The following TEX9 variants were observed in gnomAD, a reference collection of about 807,000 sequenced individuals.
The protein encoded by TEX9 is testis-expressed protein 9.
TEX9 carries 74 observed loss-of-function variants against 59.6 expected under a neutral mutation model. The ratio of observed to expected loss-of-function variants is 1.24; its 90% confidence interval spans 1.03 to 1.51. The LOEUF (loss-of-function observed/expected upper bound fraction) is 1.51. Ranked by LOEUF, TEX9 falls within the 40% of genes most tolerant of loss-of-function variation. TEX9 has a pLI of 0.00. For synonymous variants in TEX9, 186 were observed against 152.2 expected (o/e 1.22, Z -1.64); for missense variants, 522 against 447.8 (o/e 1.17, Z -1.49).
intron 5 of TEX9, 104 bp from the exon 6 acceptor site, chr15:56,389,214 A>G (rs2048096997): frequency 2.4e-6 from 2 of 832,004 alleles, no homozygotes; most frequent in African/African-American, 1.7e-5. Flanking sequence ...AAAATAGCAA[A>G]TAGCAGTTTT....
intron 3 of TEX9, among the ~76,000 whole-genome samples, chr15:56,375,125 C>A (rs1427874435): frequency 1.3e-5 from 2 of 152,056 alleles, no homozygotes; most frequent in Non-Finnish European, 2.9e-5. Context: ...GTTTACAGTC[C>A]CACCAACAGT....
intron 10 of TEX9, among the ~76,000 whole-genome samples, chr15:56,413,211 A>AATTAATTTAATTTATTTAATT: frequency 6.9e-6 from 1 of 145,770 alleles, no homozygotes; most frequent in African/African-American, 2.5e-5. Flanking sequence ...AATATTTAAT[A>AATTAATTTAATTTATTTAATT]ATTAAATAAT....
At chr15:56,344,103 T>C (rs2046421360) in intron 1 of TEX9, among the ~76,000 whole-genome samples, 1 of 152,124 alleles carries the variant, frequency 6.6e-6, no homozygotes, top group South Asian at 2.1e-4. Context: ...TGGAAAACAG[T>C]TTGATAGTTC....
chr15:56,280,661 T>A (rs769312624), intron 1 of TEX9, among the ~76,000 whole-genome samples: 1 of 152,246 alleles, frequency 6.6e-6, no homozygotes, highest in Non-Finnish European at 1.5e-5. Context: ...ACTGTAATAA[T>A]GTTTTTAATC....
intron 12 of TEX9, chr15:56,434,165 C>T (rs754450720): frequency 2.5e-6 from 4 of 1,613,258 alleles, no homozygotes; most frequent in Admixed American, 1.7e-5. Flanking sequence ...GTTGGCGACG[C>T]TCTTCAATAA....
chr15:56,267,211 T>C (rs1466959483), intron 1 of TEX9, among the ~76,000 whole-genome samples: 1 of 152,256 alleles, frequency 6.6e-6, no homozygotes, highest in Non-Finnish European at 1.5e-5. Flanking sequence ...AAGTTCTTTG[T>C]GGATTCTGGA....
rs369680815 is a variant in TEX9, at chr15:56,328,950, A to C, written c.-106-44491A>C. Among the ~76,000 whole-genome samples, 4 of 152,168 alleles carry C rather than the reference A, an allele frequency of 2.6e-5. No individual in the cohort carries two copies. The East Asian group carries it at 5.8e-4, about 22-fold the overall frequency. On this transcript the variant is annotated intron_variant, in intron 1 of 5. Transcript: ENST00000560827. ...CCTTGTACAAATGTAAGTGGCAATC[A>C]GTGGCTACAATGGCCCTTGGGCGAG...
chr15:56,358,023 T>C (rs2046715783), intron 1 of TEX9, among the ~76,000 whole-genome samples: 1 of 152,112 alleles, frequency 6.6e-6, no homozygotes, highest in Admixed American at 6.6e-5. Flanking sequence ...TAACTAGAAA[T>C]TTTTTCTTGA....
At chr15:56,403,577 A>C (rs182077012) in intron 9 of TEX9, among the ~76,000 whole-genome samples, 105 of 152,380 alleles carry the variant, frequency 6.9e-4, no homozygotes, top group Non-Finnish European at 1.2e-3. Flanking sequence ...TATAGATTCA[A>C]TGCCATCCCC....
intron 1 of TEX9, among the ~76,000 whole-genome samples, chr15:56,308,862 A>G (rs983644422): frequency 6.6e-6 from 1 of 152,210 alleles, no homozygotes; most frequent in Non-Finnish European, 1.5e-5. Context: ...GACCATAAGT[A>G]GAAGGACTTT....
At chr15:56,345,483 C>A (rs79145701) in intron 1 of TEX9, among the ~76,000 whole-genome samples, 3,886 of 152,172 alleles carry the variant, frequency 0.026, 166 homozygotes, top group African/African-American at 0.088. Flanking sequence ...GAGATGGGGT[C>A]TTGCTATGTT....
intron 9 of TEX9, among the ~76,000 whole-genome samples, chr15:56,412,064 G>T (rs1383155639): frequency 1.3e-5 from 2 of 152,056 alleles, no homozygotes; most frequent in African/African-American, 4.8e-5. Flanking sequence ...AAAGTAATTT[G>T]AAAGCCCGGT....
intron 1 of TEX9, among the ~76,000 whole-genome samples, chr15:56,259,490 C>A (rs1044953115): frequency 1.3e-5 from 2 of 151,950 alleles, no homozygotes; most frequent in Non-Finnish European, 2.9e-5. Flanking sequence ...ATTGCTCCAG[C>A]ATCATTTATT....
At chr15:56,311,344 C>T (rs2045610563) in intron 1 of TEX9, among the ~76,000 whole-genome samples, 2 of 138,348 alleles carry the variant, frequency 1.4e-5, no homozygotes, top group Non-Finnish European at 3.1e-5. Context: ...CTTCCTGTGT[C>T]CATGTGATCT....
At chr15:56,449,547 G>A (rs1009606810), downstream of TEX9, among the ~76,000 whole-genome samples, 13 of 152,132 alleles carry the variant, frequency 8.5e-5, no homozygotes, top group Non-Finnish European at 1.5e-4. Flanking sequence ...AGAGAGATTA[G>A]TCTACAGGTT....
At chr15:56,442,947 G>A (rs569253430) in intron 12 of TEX9, among the ~76,000 whole-genome samples, 8 of 152,046 alleles carry the variant, frequency 5.3e-5, no homozygotes, top group Admixed American at 3.3e-4. Context: ...TTGTGGATTT[G>A]CCTCTTTCTC....
At chr15:56,415,856 T>C (rs1434750357) in intron 10 of TEX9, among the ~76,000 whole-genome samples, 1 of 151,834 alleles carries the variant, frequency 6.6e-6, no homozygotes, top group Non-Finnish European at 1.5e-5. Context: ...TAAGTGTTCC[T>C]ATCAGTGAGC....
At position 56,443,878 on chromosome 15, in the gene TEX9, A is replaced by T. The variant is rs757859845; in HGVS notation, c.*30-1793A>T. On this transcript the variant is annotated intron_variant, in intron 12 of 12. Transcript: ENST00000352903. ...CCCTGAAAAGCAATAACAAGTACAG[A>T]TTTATAGTAAACAATAAAATATAAA... 5 of 1,485,404 alleles carry T rather than the reference A, an allele frequency of 3.4e-6. No individual in the cohort carries two copies. The Admixed American group carries it at 1.1e-4, about 32-fold the overall frequency. 92.0% of individuals were successfully genotyped at this position (1,485,404 alleles called of 1,614,324 possible).
chr15:56,271,925 G>C (rs538569999), intron 1 of TEX9, among the ~76,000 whole-genome samples: 2 of 152,268 alleles, frequency 1.3e-5, no homozygotes, highest in African/African-American at 4.8e-5. Context: ...CAGATCACGA[G>C]GTCAGGAGAT....
Sources: gnomAD v4.1 joint callset for allele counts (sites outside exome capture counted in the v4.1 genomes callset) on GRCh38, gnomAD v4.1.1 for gene constraint, MANE v1.5 for transcripts, NCBI Gene and HGNC (gene_info 2026-07-23, HGNC 2026-07-21) for gene names.